Variants in RBMS3 observed in about 807,000 individuals in gnomAD.
RBMS3 encodes RNA binding motif single stranded interacting protein 3.
In RBMS3, 27 loss-of-function variants were observed where a neutral mutation model predicts 66.8. The ratio of observed to expected loss-of-function variants is 0.40; its 90% CI spans 0.30 to 0.56. The LOEUF (loss-of-function observed/expected upper bound fraction) is 0.56, where lower values mean the gene tolerates loss of function less well. Ranked by LOEUF, RBMS3 falls within the 20% of genes least tolerant of loss-of-function variation. The probability of loss-of-function intolerance (pLI) is 0.40; values close to 1 mark genes in which losing one functional copy is unlikely to be tolerated. For missense variants in RBMS3, 513 were observed against 549.5 expected, an observed-to-expected ratio of 0.93 and a Z score of 0.66; for synonymous variants, 188 against 183.0, an observed-to-expected ratio of 1.03 and a Z score of -0.22.
intron 3 of RBMS3, among the ~76,000 whole-genome samples, chr3:29,558,347 G>C (rs190407216): frequency 9.1e-4 from 138 of 152,074 alleles, no homozygotes; most frequent in African/African-American, 3.1e-3. Context: ...GGAAAGGGGT[G>C]GGGGAACTAG....
chr3:29,981,898 G>A (rs1045917188), intron 12 of RBMS3, among the ~76,000 whole-genome samples: 3 of 151,962 alleles, frequency 2.0e-5, no homozygotes, highest in Non-Finnish European at 4.4e-5. Context: ...CTTTGTGTGT[G>A]TCTCTGCCAG....
At chr3:29,722,917 T>C (rs1460068797) in intron 4 of RBMS3, among the ~76,000 whole-genome samples, 2 of 152,110 alleles carry the variant, frequency 1.3e-5, no homozygotes, top group Non-Finnish European at 2.9e-5. Flanking sequence ...CAGTTTTCCA[T>C]GGAGATTGAT....
intron 6 of RBMS3, among the ~76,000 whole-genome samples, chr3:29,801,272 C>CTTTTTTTTTTTTTTTTT (rs200997680): frequency 9.3e-5 from 12 of 129,464 alleles, no homozygotes; most frequent in African/African-American, 2.4e-4. Flanking sequence ...TGCTTTTTTT[C>CTTTTTTTTTTTTTTTTT]TTTTTTTTTT....
chr3:29,417,122 G>A (rs1186548778), intron 1 of RBMS3, among the ~76,000 whole-genome samples: 1 of 152,052 alleles, frequency 6.6e-6, no homozygotes, highest in Admixed American at 6.6e-5. Context: ...GATTATTTCT[G>A]AAGTGTGTCA....
Position 29,547,471 on chromosome 3 carries a change from A to T in RBMS3, c.308-39643A>T, listed in dbSNP as rs374291358. On this transcript the variant is annotated intron_variant, in intron 3 of 14. Transcript: ENST00000383767. ...CAGTTCCATTAAGCAATTGGAAAATAAAAAAATCCTCCCCCCGCCCCACCA... is the reference window on the plus strand; with the variant it reads ...CAGTTCCATTAAGCAATTGGAAAATTAAAAAATCCTCCCCCCGCCCCACCA... 8.5e-5 allele frequency among the ~76,000 whole-genome samples: 13 copies of T among 152,142 alleles called. No homozygotes were observed. In the East Asian group the frequency reaches 9.7e-4, roughly 11 times the overall value.
chr3:29,739,606 C>G, intron 4 of RBMS3, 114 bp from the exon 5 acceptor site: 1 of 986,326 alleles, frequency 1.0e-6, no homozygotes, highest in Non-Finnish European at 1.4e-6. Context: ...AAAGCACTTT[C>G]AAGAGCATTT....
intron 1 of RBMS3, among the ~76,000 whole-genome samples, chr3:29,349,883 G>A (rs1323987384): frequency 1.3e-5 from 2 of 152,212 alleles, no homozygotes; most frequent in South Asian, 2.1e-4. Context: ...GTTCAGGCCG[G>A]GTGAGGTGAC....
intron 6 of RBMS3, among the ~76,000 whole-genome samples, chr3:29,859,972 C>T (rs1234240155): frequency 1.3e-5 from 2 of 152,144 alleles, no homozygotes; most frequent in South Asian, 2.1e-4. Flanking sequence ...AGAAAGTGGA[C>T]GTTTCCTAAC....
chr3:29,323,815 G>C (rs13065011), intron 1 of RBMS3, among the ~76,000 whole-genome samples: 1 of 151,210 alleles, frequency 6.6e-6, no homozygotes, highest in Non-Finnish European at 1.5e-5. Context: ...TTTCCCCCAT[G>C]ATTTTTATTT....
At chr3:29,821,189 C>A (rs2058069021) in intron 6 of RBMS3, among the ~76,000 whole-genome samples, 1 of 152,132 alleles carries the variant, frequency 6.6e-6, no homozygotes, top group Admixed American at 6.6e-5. Context: ...ATATAAGCAT[C>A]CAGATACAAT....
intron 4 of RBMS3, among the ~76,000 whole-genome samples, chr3:29,650,275 CTTTCT>C (rs573895087): frequency 0.091 from 10,794 of 119,260 alleles, 508 homozygotes; most frequent in East Asian, 0.28. Context: ...TTACTCCTTT[CTTTCT>C]TTTTTTTTTT....
chr3:29,667,444 TGA>T (rs1302065191), intron 4 of RBMS3, among the ~76,000 whole-genome samples: 1 of 152,144 alleles, frequency 6.6e-6, no homozygotes, highest in Non-Finnish European at 1.5e-5. Context: ...ATCAAAACTC[TGA>T]GAGTGGGGCC....
At chr3:29,414,753 C>T (rs913245163) in intron 1 of RBMS3, among the ~76,000 whole-genome samples, 5 of 152,126 alleles carry the variant, frequency 3.3e-5, no homozygotes, top group Non-Finnish European at 7.4e-5. Context: ...GCAAGAAAAT[C>T]TGTGCTTTCA....
intron 1 of RBMS3, among the ~76,000 whole-genome samples, chr3:29,305,418 A>G (rs1486570046): frequency 6.6e-6 from 1 of 151,940 alleles, no homozygotes; most frequent in Non-Finnish European, 1.5e-5. Context: ...GCTTGTTCTC[A>G]ACACAATGGT....
At chr3:29,770,347 C>A (rs1011866415) in intron 6 of RBMS3, among the ~76,000 whole-genome samples, 4 of 151,982 alleles carry the variant, frequency 2.6e-5, no homozygotes, top group Admixed American at 1.3e-4. Flanking sequence ...CATATTATTT[C>A]TCTTATAATA....
chr3:30,004,208 CTTTTTTTTTTT>C lies in RBMS3; in HGVS notation c.*351_*361del, dbSNP rs550404989. 1 of 146,844 alleles carries C rather than the reference CTTTTTTTTTTT, an allele frequency of 6.8e-6. No individual in the cohort carries two copies. Among genetic ancestry groups the C allele is most frequent in the Admixed American group, 7.2e-5 (1 of 13,798 alleles). 9.1% of individuals were successfully genotyped at this position (146,844 alleles called of 1,614,324 possible). ...CAGAATTTTTCTGAAGGTGTAGATA[CTTTTTTTTTTT>C]TTTTAACAGAAAACCTGATGTCAAG... On this transcript the variant is annotated 3_prime_UTR_variant, in exon 15 of 15. Transcript: ENST00000383767.
At chr3:29,620,819 T>C (rs1257457017) in intron 4 of RBMS3, among the ~76,000 whole-genome samples, 2 of 152,248 alleles carry the variant, frequency 1.3e-5, no homozygotes, top group East Asian at 3.9e-4. Flanking sequence ...AATTTACTAG[T>C]TTAGTCTTTT....
intron 12 of RBMS3, among the ~76,000 whole-genome samples, chr3:29,973,510 C>A (rs914973376): frequency 6.6e-6 from 1 of 151,896 alleles, no homozygotes; most frequent in Non-Finnish European, 1.5e-5. Context: ...TGTCCTATTA[C>A]CCAGTCTATG....
intron 4 of RBMS3, among the ~76,000 whole-genome samples, chr3:29,606,514 A>G (rs1179850803): frequency 6.6e-6 from 1 of 151,976 alleles, no homozygotes; most frequent in Non-Finnish European, 1.5e-5. Flanking sequence ...ATGTCATTAG[A>G]ATCTTCCTCA....
Sources: gnomAD v4.1 joint callset for allele counts (sites outside exome capture counted in the v4.1 genomes callset) on GRCh38, gnomAD v4.1.1 for gene constraint, MANE v1.5 for transcripts, NCBI Gene and HGNC (gene_info 2026-07-23, HGNC 2026-07-21) for gene names.